TMEM100: variants seen among roughly 807,000 people sequenced by gnomAD.
TMEM100 encodes transmembrane protein 100.
For missense variants in TMEM100, 137 were observed against 168.2 expected (o/e 0.81, Z 1.02); for synonymous variants, 61 against 67.1 (o/e 0.91, Z 0.44).
Position 55,719,744 on chromosome 17 carries a change from C to T in TMEM100, c.*922G>A, listed in dbSNP as rs1479304989. 2 of 152,334 alleles carry T rather than the reference C, an allele frequency of 1.3e-5. No individual in the cohort carries two copies. Among genetic ancestry groups the T allele is most frequent in the African/African-American group, 4.8e-5 (2 of 41,420 alleles). 9.4% of individuals were successfully genotyped at this position (152,334 alleles called of 1,614,324 possible). A position where few individuals can be genotyped will look rare whatever the true frequency, so the allele number is the denominator to read the frequency against. On this transcript the variant is annotated 3_prime_UTR_variant, in exon 2 of 2. Transcript: ENST00000424486. Reference sequence around the variant, plus strand: ...TAGAATTTAGTAAACGTAATTAAGACTATTCAGAAGTAATGAAAAACCAAT... The same window carrying T: ...TAGAATTTAGTAAACGTAATTAAGATTATTCAGAAGTAATGAAAAACCAAT...
At chr17:55,726,789 G>A (rs544949914), upstream of TMEM100, among the ~76,000 whole-genome samples, 11 of 152,306 alleles carry the variant, frequency 7.2e-5, no homozygotes, top group East Asian at 3.9e-4. Context: ...ATTTTGGAAA[G>A]TGATCTGTGC....
chr17:55,728,954 A>C (rs781513867), intron 1 of TMEM100, among the ~76,000 whole-genome samples: 1 of 152,268 alleles, frequency 6.6e-6, no homozygotes, highest in South Asian at 2.1e-4. Flanking sequence ...TACAAAGAGC[A>C]CTGAGTAGCC....
chr17:55,730,876 G>A (rs1286648115), intron 1 of TMEM100, among the ~76,000 whole-genome samples: 1 of 152,166 alleles, frequency 6.6e-6, no homozygotes, highest in African/African-American at 2.4e-5. Context: ...TTGTAAAGGA[G>A]ACAGAACTTT....
chr17:55,724,625 G>A (rs1019847129), upstream of TMEM100, among the ~76,000 whole-genome samples: 12 of 152,190 alleles, frequency 7.9e-5, no homozygotes, highest in Admixed American at 3.3e-4. Context: ...TCTGGCCCTT[G>A]AGGGCAATTC....
upstream of TMEM100, among the ~76,000 whole-genome samples, chr17:55,726,827 A>T (rs896431267): frequency 6.6e-6 from 1 of 152,194 alleles, no homozygotes; most frequent in Non-Finnish European, 1.5e-5. Flanking sequence ...ATAGCAGGTC[A>T]TGTTATTATT....
chr17:55,724,988 G>A (rs1340557170), upstream of TMEM100, among the ~76,000 whole-genome samples: 1 of 152,194 alleles, frequency 6.6e-6, no homozygotes. Flanking sequence ...TCTAGACTCT[G>A]AGTAGACAAC....
chr17:55,720,528 CCT>C lies in TMEM100; in HGVS notation c.*136_*137del. The C allele has an allele frequency of 1.0e-6, 1 of 988,060 alleles. No homozygotes were observed. Among genetic ancestry groups the C allele is most frequent in the East Asian group, 2.5e-5 (1 of 40,556 alleles). The allele number at this position is 988,060 out of a possible 1,614,324, so 61.2% of individuals were successfully genotyped here. ...AGTCATTCCTCACAAAGGAGAAGCC[CCT>C]CCACCCTCCCACCCCCATTCTTCCA... On this transcript the variant is annotated 3_prime_UTR_variant, in exon 2 of 2. Transcript: ENST00000424486.
At chr17:55,726,202 A>C (rs1597956352), upstream of TMEM100, among the ~76,000 whole-genome samples, 1 of 152,334 alleles carries the variant, frequency 6.6e-6, no homozygotes, top group East Asian at 1.9e-4. Flanking sequence ...CACCAAAGGC[A>C]TTGTAAACGG....
At chr17:55,724,361 G>A (rs114454007), upstream of TMEM100, among the ~76,000 whole-genome samples, 239 of 152,256 alleles carry the variant, frequency 1.6e-3, 2 homozygotes, top group African/African-American at 5.5e-3. Flanking sequence ...CCTGAGGTTG[G>A]GGGAGTCATG....
chr17:55,725,943 G>A (rs556786624), upstream of TMEM100, among the ~76,000 whole-genome samples: 72 of 152,220 alleles, frequency 4.7e-4, no homozygotes, highest in Non-Finnish European at 9.1e-4. Flanking sequence ...CATTTCTAAG[G>A]GAGTATGGGG....
rs191570395 is a variant in TMEM100, at chr17:55,728,749, G to A, written c.-358-767C>T. 4.6e-5 allele frequency among the ~76,000 whole-genome samples: 7 copies of A among 152,298 alleles called. No individual in the cohort carries two copies. The South Asian group carries it at 6.2e-4, about 14-fold the overall frequency. ...TCCTTTTCTTGAAGGAATAACAAAC[G>A]GCTGTGGAAGGCCCAGGGAAGATGA... On this transcript the variant is annotated intron_variant, in intron 1 of 3. Coordinates refer to the TMEM100 transcript ENST00000575734.
Position 55,720,954 on chromosome 17 carries a change from C to G in TMEM100, c.117G>C (p.Glu39Asp), listed in dbSNP as rs1908861293. ...VVITTVPLVSEIQLMAATGGT... is the reference protein window; with the variant it reads ...VVITTVPLVSDIQLMAATGGT... ...CCCCTGTAGCAGCCATCAACTGAAT[C>G]TCACTGACCAGAGGGACTGTGGTGA... Residue 39 changes from glutamate to aspartate, a missense_variant, in exon 2 of 2, where the codon GAG becomes GAC. By Grantham distance (45) the Glu-to-Asp change is conservative. Coordinates refer to ENST00000424486, the MANE Select transcript of TMEM100 (RefSeq NM_018286.3). The G allele has an allele frequency of 6.2e-7, 1 of 1,614,102 alleles. No individual in the cohort carries two copies. The highest frequency in any genetic ancestry group is 1.3e-5 in the African/African-American group (1 of 74,918).
upstream of TMEM100, among the ~76,000 whole-genome samples, chr17:55,726,243 G>T (rs1048755824): frequency 6.6e-6 from 1 of 152,140 alleles, no homozygotes; most frequent in African/African-American, 2.4e-5. Flanking sequence ...GTTCCAGAGA[G>T]AATGCCCCAA....
chr17:55,721,012 G>A lies in TMEM100; in HGVS notation c.59C>T (p.Thr20Met), dbSNP rs754310604. 8.1e-6 allele frequency: 13 copies of A among 1,613,964 alleles called. No individual in the cohort carries two copies. Among genetic ancestry groups the A allele is most frequent in the African/African-American group, 2.7e-5 (2 of 74,916 alleles). ...LGAPKAHMAA[T>M]MEKSPKSEVV... ...TTCACTCTTGGGGCTCTTCTCCATC[G>A]TCGCTGCCATGTGAGCCTTTGGGGC... Residue 20 changes from threonine (T) to methionine (M), a missense_variant, in exon 2 of 2, where the codon ACG becomes ATG. Transcript: ENST00000424486.
upstream of TMEM100, among the ~76,000 whole-genome samples, chr17:55,726,131 G>C (rs1909065692): frequency 6.6e-6 from 1 of 152,156 alleles, no homozygotes; most frequent in Non-Finnish European, 1.5e-5. Context: ...TTCATTGGAG[G>C]ATGTCAAGGC....
rs201854868 is a variant in TMEM100 at position 55,720,648 on chromosome 17, A to G, written c.*18T>C. 57 of 1,572,780 alleles carry G rather than the reference A, an allele frequency of 3.6e-5. No homozygotes were observed. The highest frequency in any genetic ancestry group is 4.8e-5 in the Non-Finnish European group (56 of 1,161,228). On this transcript the variant is annotated 3_prime_UTR_variant, in exon 2 of 2. Transcript: ENST00000424486. ...GCACGTTTTCCAGGCCCAATGGCCCATTTGGTCGTATTCAGTCTCAAGCAA... is the reference window on the plus strand; with the variant it reads ...GCACGTTTTCCAGGCCCAATGGCCCGTTTGGTCGTATTCAGTCTCAAGCAA...
At position 55,719,849 on chromosome 17, in the gene TMEM100, C is replaced by A. The variant is rs953122037; in HGVS notation, c.*817G>T. The A allele has an allele frequency of 6.6e-6, 1 of 152,510 alleles. No individual in the cohort carries two copies. The highest frequency in any genetic ancestry group is 2.4e-5 in the African/African-American group (1 of 41,420). 9.4% of individuals were successfully genotyped at this position (152,510 alleles called of 1,614,324 possible). ...TACAATTGAGAACTTGCAAATGAGA[C>A]AAGGGAAGATGGCAATTTGGAACTG... On this transcript the variant is annotated 3_prime_UTR_variant, in exon 2 of 2. Coordinates refer to ENST00000424486, the MANE Select transcript of TMEM100 (RefSeq NM_018286.3).
intron 1 of TMEM100, among the ~76,000 whole-genome samples, chr17:55,731,106 A>G (rs1159812101): frequency 6.6e-6 from 1 of 152,190 alleles, no homozygotes; most frequent in African/African-American, 2.4e-5. Context: ...TCTGCTGTTG[A>G]TAACTTTGGA....
rs1227230634 is a variant in TMEM100, at chr17:55,720,893, A to G, written c.178T>C (p.Phe60Leu). ...ELSCYRCIIP[F>L]AVVVFIAGIV... ...CCGGCGATGAAGACAACCACAGCAA[A>G]GGGGATGATGCAGCGGTAGCAGGAG... The change falls in exon 2 of 2, where the codon TTT (phenylalanine) becomes CTT (leucine). Residue 60 changes from phenylalanine (F) to leucine (L), a missense_variant. Physicochemically the swap from Phe to Leu is conservative, Grantham distance 22. Coordinates refer to ENST00000424486, the MANE Select transcript of TMEM100 (RefSeq NM_018286.3). 4 of 1,614,196 alleles carry G rather than the reference A, an allele frequency of 2.5e-6. No individual in the cohort carries two copies. The South Asian group carries it at 3.3e-5, about 13-fold the overall frequency.
Sources: gnomAD v4.1 joint callset for allele counts (sites outside exome capture counted in the v4.1 genomes callset) on GRCh38, gnomAD v4.1.1 for gene constraint, MANE v1.5 for transcripts, NCBI Gene and HGNC (gene_info 2026-07-23, HGNC 2026-07-21) for gene names.